Variants in METAP1D observed in about 807,000 individuals in gnomAD.
METAP1D encodes methionyl aminopeptidase type 1D, mitochondrial.
In METAP1D, 31 loss-of-function variants were observed where a neutral mutation model predicts 40.5. That is an observed-to-expected ratio of 0.77 (90% confidence interval 0.58 to 1.03). The LOEUF (loss-of-function observed/expected upper bound fraction) is 1.03. Among genes scored for constraint, METAP1D ranks in the 50% least tolerant of loss-of-function variants. The probability of loss-of-function intolerance (pLI) is 0.00; values close to 1 mark genes in which losing one functional copy is unlikely to be tolerated. For missense variants in METAP1D, 411 were observed against 420.7 expected, an observed-to-expected ratio of 0.98 and a Z score of 0.20; for synonymous variants, 151 against 146.4, an observed-to-expected ratio of 1.03 and a Z score of -0.22.
At chr2:172,036,840 C>CAAAA (rs1210522881) in intron 1 of METAP1D, among the ~76,000 whole-genome samples, 1 of 152,184 alleles carries the variant, frequency 6.6e-6, no homozygotes, top group Admixed American at 6.5e-5. Context: ...ATCTTGTTTT[C>CAAAA]CCACATCTTC....
At chr2:172,031,453 G>A (rs1213036601) in intron 1 of METAP1D, among the ~76,000 whole-genome samples, 1 of 152,126 alleles carries the variant, frequency 6.6e-6, no homozygotes, top group African/African-American at 2.4e-5. Flanking sequence ...AAAATGTTTA[G>A]TTAGAGGGGA....
intron 1 of METAP1D, among the ~76,000 whole-genome samples, chr2:172,033,854 G>A (rs945284671): frequency 3.3e-5 from 5 of 151,680 alleles, no homozygotes; most frequent in East Asian, 3.9e-4. Flanking sequence ...AGGCGGGGGG[G>A]ATCACGAGGT....
chr2:172,036,665 C>T (rs943212806), intron 1 of METAP1D, among the ~76,000 whole-genome samples: 4 of 151,748 alleles, frequency 2.6e-5, no homozygotes, highest in African/African-American at 9.7e-5. Context: ...GCACCCGGCC[C>T]GTTTCCACCT....
At chr2:172,045,479 G>A (rs1354594975) in intron 1 of METAP1D, among the ~76,000 whole-genome samples, 1 of 133,460 alleles carries the variant, frequency 7.5e-6, no homozygotes, top group Admixed American at 7.5e-5. Flanking sequence ...TGACCAACAT[G>A]GAGAAACCCC....
rs149828949 is a variant in METAP1D at position 172,028,381 on chromosome 2, G to A, written c.40+28372G>A. Among the ~76,000 whole-genome samples the A allele has an allele frequency of 2.4e-4, 36 of 152,340 alleles. No individual in the cohort carries two copies. In the East Asian group the frequency reaches 6.0e-3, roughly 25 times the overall value. Reference sequence around the variant, plus strand: ...TGGAGTGCCAGGAGGCCAGAGGGAGGTGGGGTCAGACCATTGCAGGCCCTC... The same window carrying A: ...TGGAGTGCCAGGAGGCCAGAGGGAGATGGGGTCAGACCATTGCAGGCCCTC... On this transcript the variant is annotated intron_variant, in intron 1 of 9. Transcript: ENST00000315796.
intron 1 of METAP1D, among the ~76,000 whole-genome samples, chr2:172,000,783 C>A (rs1372590780): frequency 6.6e-6 from 1 of 152,144 alleles, no homozygotes; most frequent in Non-Finnish European, 1.5e-5. Context: ...GTGTTAAGCG[C>A]CTTACATATG....
chr2:172,080,421 G>A lies in METAP1D; in HGVS notation c.*15G>A, dbSNP rs774030929. On this transcript the variant is annotated 3_prime_UTR_variant, in exon 10 of 10. Transcript: ENST00000315796. ...ATGAGGCCTGAGGAGCCGCCCGAAGGTCGCGGTGACCTGGTGCCTTTTTAA... is the reference window on the plus strand; with the variant it reads ...ATGAGGCCTGAGGAGCCGCCCGAAGATCGCGGTGACCTGGTGCCTTTTTAA... 1.9e-6 allele frequency: 3 copies of A among 1,613,614 alleles called. No homozygotes were observed. Among genetic ancestry groups the A allele is most frequent in the South Asian group, 1.1e-5 (1 of 91,072 alleles).
At chr2:172,005,639 G>A (rs1216403063) in intron 1 of METAP1D, among the ~76,000 whole-genome samples, 2 of 148,748 alleles carry the variant, frequency 1.3e-5, no homozygotes, top group African/African-American at 5.0e-5. Flanking sequence ...CCGGGTTCAA[G>A]CAATTCTCTT....
rs559172169 is a variant in METAP1D at position 172,031,516 on chromosome 2, A to G, written c.41-29982A>G. 3.9e-5 allele frequency among the ~76,000 whole-genome samples: 6 copies of G among 152,320 alleles called. No individual in the cohort carries two copies. The East Asian group carries it at 1.2e-3, about 29-fold the overall frequency. The stretch of plus-strand genomic sequence containing the variant: ...TTATCTCAGTTGTAAAATGGATATT[A>G]TATAATAAGATGGAGGAAGTCATTC... On this transcript the variant is annotated intron_variant, in intron 1 of 9. Transcript: ENST00000315796.
chr2:172,041,804 GT>G (rs201757401), intron 1 of METAP1D, among the ~76,000 whole-genome samples: 9,091 of 61,364 alleles, frequency 0.15, 1,546 homozygotes, highest in Non-Finnish European at 0.24. Context: ...TATATATATA[GT>G]TTTTTTTTTT....
At chr2:172,005,974 A>G (rs1688570429) in intron 1 of METAP1D, among the ~76,000 whole-genome samples, 1 of 152,034 alleles carries the variant, frequency 6.6e-6, no homozygotes, top group African/African-American at 2.4e-5. Context: ...CTTTGCAGTC[A>G]TTAAAAAAAA....
chr2:172,012,379 G>A (rs1044242586), intron 1 of METAP1D, among the ~76,000 whole-genome samples: 23 of 152,316 alleles, frequency 1.5e-4, no homozygotes, highest in Non-Finnish European at 3.1e-4. Context: ...AGCAGGAGAA[G>A]GCTGTTCTGG....
chr2:172,051,095 T>C (rs1285950195), intron 1 of METAP1D, among the ~76,000 whole-genome samples: 3 of 152,142 alleles, frequency 2.0e-5, no homozygotes, highest in Admixed American at 2.0e-4. Flanking sequence ...AGTAAACTTT[T>C]TTTGTCTCAA....
chr2:172,012,267 C>T (rs187596737), intron 1 of METAP1D, among the ~76,000 whole-genome samples: 56 of 152,342 alleles, frequency 3.7e-4, no homozygotes, highest in Admixed American at 1.8e-3. Context: ...TCTCTGTGGT[C>T]TTCTGTCCTC....
chr2:172,074,218 A>G (rs1690491441), intron 6 of METAP1D, among the ~76,000 whole-genome samples: 1 of 152,210 alleles, frequency 6.6e-6, no homozygotes, highest in South Asian at 2.1e-4. Flanking sequence ...TGACAGTTCA[A>G]TCAAAAATAA....
chr2:172,052,298 G>A (rs1054950250), intron 1 of METAP1D, among the ~76,000 whole-genome samples: 2 of 152,132 alleles, frequency 1.3e-5, no homozygotes, highest in African/African-American at 4.8e-5. Flanking sequence ...CTCTGTAATG[G>A]CATCTTAGCT....
rs766955437 is a variant in METAP1D, at chr2:172,077,908, T to A, written c.802+14T>A. 6.9e-7 allele frequency: 1 copy of A among 1,439,580 alleles called. No individual in the cohort carries two copies. Among genetic ancestry groups the A allele is most frequent in the Admixed American group, 1.7e-5 (1 of 58,392 alleles). The allele number at this position is 1,439,580 out of a possible 1,614,324, so 89.2% of individuals were successfully genotyped here. On this transcript the variant is annotated intron_variant, in intron 7 of 9. Coordinates refer to ENST00000315796, the MANE Select transcript of METAP1D (RefSeq NM_199227.3). ...TTTGGCATCATGGTAAGAAAGTTCA[T>A]TTGGAGGCTGTTTCTTGATCAGAGA...
At chr2:172,080,081 A>G in intron 8 of METAP1D, 47 bp from the exon 9 acceptor site, 3 of 1,509,908 alleles carry the variant, frequency 2.0e-6, no homozygotes, top group South Asian at 1.2e-5. Context: ...ACAATGTTTA[A>G]CAAGAATCTG....
At chr2:172,066,341 A>C in intron 5 of METAP1D, 35 bp downstream of exon 5, 1 of 1,546,236 alleles carries the variant, frequency 6.5e-7, no homozygotes, top group South Asian at 1.1e-5. Flanking sequence ...TCTTTGATCA[A>C]CTTCAGAATT....
Sources: allele counts gnomAD v4.1 joint callset (sites outside exome capture counted in the v4.1 genomes callset), GRCh38; gene constraint gnomAD v4.1.1; transcripts MANE v1.5; gene names NCBI Gene and HGNC (gene_info 2026-07-23, HGNC 2026-07-21).